Variants in FOSL1 observed in about 807,000 individuals in gnomAD.
The protein encoded by FOSL1 is FOS like 1, AP-1 transcription factor subunit.
In FOSL1, 14 loss-of-function variants were observed where a neutral mutation model predicts 24.9. The ratio of observed to expected loss-of-function variants is 0.56; its 90% CI spans 0.37 to 0.88. The LOEUF (loss-of-function observed/expected upper bound fraction) is 0.88. Among genes scored for constraint, FOSL1 ranks in the 40% least tolerant of loss-of-function variants. The pLI, the probability that FOSL1 is intolerant of heterozygous loss-of-function variation, is 0.00. For missense variants in FOSL1, 318 were observed against 359.8 expected, an observed-to-expected ratio of 0.88 and a Z score of 0.94; for synonymous variants, 133 against 145.1, an observed-to-expected ratio of 0.92 and a Z score of 0.60.
At chr11:65,899,467 A>G (rs1860616206) in intron 1 of FOSL1, among the ~76,000 whole-genome samples, 1 of 152,152 alleles carries the variant, frequency 6.6e-6, no homozygotes, top group Non-Finnish European at 1.5e-5. Context: ...ACGTGCTCGC[A>G]GCCCCTCGAC....
rs534964747 is a variant in FOSL1 at position 65,895,259 on chromosome 11, G to T, written c.298-1138C>A. 4.8e-3 allele frequency among the ~76,000 whole-genome samples: 723 copies of T among 151,764 alleles called. 10 individuals carry two copies. Among genetic ancestry groups the T allele is most frequent in the Non-Finnish European group, 6.6e-3 (450 of 67,964 alleles). The stretch of plus-strand genomic sequence containing the variant: ...CTGCCTCAGCCTCCCGAGTAGCTGC[G>T]ACTACAGGTGCCTTCCACCACGCCC... On this transcript the variant is annotated intron_variant, in intron 2 of 3. Transcript: ENST00000312562.
intron 2 of FOSL1, among the ~76,000 whole-genome samples, chr11:65,896,054 C>T (rs1429321825): frequency 6.6e-6 from 1 of 152,102 alleles, no homozygotes; most frequent in Non-Finnish European, 1.5e-5. Flanking sequence ...TCGGTAGAGA[C>T]AGGGTCTCTC....
At chr11:65,897,230 T>C (rs1860550808) in intron 1 of FOSL1, among the ~76,000 whole-genome samples, 1 of 152,200 alleles carries the variant, frequency 6.6e-6, no homozygotes, top group African/African-American at 2.4e-5. Flanking sequence ...CATTTCCCCA[T>C]TAGAACTAAC....
chr11:65,899,807 C>T (rs146443004), intron 1 of FOSL1, among the ~76,000 whole-genome samples: 2 of 152,288 alleles, frequency 1.3e-5, no homozygotes, highest in African/African-American at 4.8e-5. Flanking sequence ...GCTCTCCCGA[C>T]GGATCCCGCC....
At chr11:65,895,046 T>C (rs957276483) in intron 2 of FOSL1, among the ~76,000 whole-genome samples, 1 of 150,726 alleles carries the variant, frequency 6.6e-6, no homozygotes, top group African/African-American at 2.4e-5. Flanking sequence ...GGGATCCTCC[T>C]GCACTGGCCT....
At chr11:65,900,182 G>T in intron 1 of FOSL1, 59 bp downstream of exon 1, 2 of 861,946 alleles carry the variant, frequency 2.3e-6, no homozygotes, top group South Asian at 5.7e-5. Context: ...TGCGGGAGTT[G>T]ACCCCGGCCT....
Position 65,893,005 on chromosome 11 carries a change from G to A in FOSL1, c.697C>T (p.Leu233=). Residue 233 remains leucine, a synonymous_variant, in exon 4 of 4, where the codon CTG becomes TTG. Transcript: ENST00000312562. ...GGAGTGCTGGGGTAGGTGAAGACCAGGCTGGGGGTGAAAGGAGTTAGGGAG... is the reference window on the plus strand; with the variant it reads ...GGAGTGCTGGGGTAGGTGAAGACCAAGCTGGGGGTGAAAGGAGTTAGGGAG... ...TPSLTPFTPS[L]VFTYPSTPEP... 1 of 1,612,784 alleles carries A rather than the reference G, an allele frequency of 6.2e-7. No homozygotes were observed. Among genetic ancestry groups the A allele is most frequent in the African/African-American group, 1.3e-5 (1 of 74,992 alleles).
chr11:65,899,581 G>A (rs572848732), intron 1 of FOSL1, among the ~76,000 whole-genome samples: 1 of 152,344 alleles, frequency 6.6e-6, no homozygotes, highest in East Asian at 1.9e-4. Flanking sequence ...CTGACCCCGC[G>A]CACGTCCCGG....
chr11:65,898,481 G>A (rs772427563), intron 1 of FOSL1, among the ~76,000 whole-genome samples: 1 of 152,156 alleles, frequency 6.6e-6, no homozygotes, highest in Non-Finnish European at 1.5e-5. Flanking sequence ...CACCTGGCAT[G>A]GCAGGCTGTC....
At chr11:65,893,950 G>A in intron 3 of FOSL1, 64 bp downstream of exon 3, 1 of 1,100,506 alleles carries the variant, frequency 9.1e-7, no homozygotes, top group Non-Finnish European at 1.3e-6. Context: ...TACATATACT[G>A]GGGCTCTGGG....
chr11:65,894,082 C>G lies in FOSL1; in HGVS notation c.337G>C (p.Glu113Gln), dbSNP rs1194759587. 6.8e-6 allele frequency: 11 copies of G among 1,610,698 alleles called. No homozygotes were observed. Among genetic ancestry groups the G allele is most frequent in the Middle Eastern group, 1.6e-4 (1 of 6,078 alleles). Residue 113 changes from glutamate (E) to glutamine (Q), a missense_variant, in exon 3 of 4, where the codon GAG (glutamate) becomes CAG (glutamine). By Grantham distance (29) the Glu-to-Gln change is conservative (BLOSUM62 2). Transcript: ENST00000312562. Reference protein sequence around the residue: ...EEEERRRVRRERNKLAAAKCR... With the variant: ...EEEERRRVRRQRNKLAAAKCR... ...TTGGCCGCAGCCAGCTTGTTCCGCT[C>G]GCGCCTTACTCGGCGGCGCTCCTCT...
chr11:65,893,797 C>CA (rs761723028), intron 3 of FOSL1, among the ~76,000 whole-genome samples: 21 of 146,150 alleles, frequency 1.4e-4, no homozygotes, highest in South Asian at 4.3e-4. Flanking sequence ...GACTCTGTCT[C>CA]AAAAAAAAAA....
intron 2 of FOSL1, 107 bp downstream of exon 2, chr11:65,896,702 C>G (rs987402283): frequency 1.1e-5 from 10 of 940,504 alleles, no homozygotes; most frequent in Non-Finnish European, 1.6e-5. Flanking sequence ...CACCTGTAGC[C>G]TACCTTACCC....
At chr11:65,898,962 GAAAAA>G (rs745881086) in intron 1 of FOSL1, among the ~76,000 whole-genome samples, 20 of 31,070 alleles carry the variant, frequency 6.4e-4, no homozygotes, top group African/African-American at 9.9e-4. Flanking sequence ...CCCTGTCTCA[GAAAAA>G]AAAAAAAAAA....
chr11:65,894,670 T>C (rs1459696642), intron 2 of FOSL1, among the ~76,000 whole-genome samples: 1 of 151,922 alleles, frequency 6.6e-6, no homozygotes, highest in African/African-American at 2.4e-5. Flanking sequence ...TTTTATTTTA[T>C]TTTTTTTAGA....
intron 1 of FOSL1, among the ~76,000 whole-genome samples, chr11:65,899,898 C>A (rs976248309): frequency 2.0e-5 from 3 of 152,212 alleles, no homozygotes; most frequent in Admixed American, 6.5e-5. Flanking sequence ...ACCCTCCTAG[C>A]CTTCGAGGCG....
At position 65,894,114 on chromosome 11, in the gene FOSL1, G is replaced by C. The variant is rs781777272; in HGVS notation, c.305C>G (p.Pro102Arg). The change falls in exon 3 of 4, where the codon CCG (proline) becomes CGG (arginine). Residue 102 changes from proline (P) to arginine (R), a missense_variant. Transcript: ENST00000312562. ...TACTCGGCGGCGCTCCTCTTCCTCC[G>C]GGCTGATCTGGGGGTGAGACCCGCA... ...VRRRPCEQISPEEEERRRVRR... is the reference protein window; with the variant it reads ...VRRRPCEQISREEEERRRVRR... The C allele has an allele frequency of 5.6e-6, 9 of 1,602,374 alleles. No individual in the cohort carries two copies. In the African/African-American group the frequency reaches 6.7e-5, roughly 12 times the overall value.
chr11:65,900,412 C>CT (rs1211096413), upstream of FOSL1: 2 of 877,492 alleles, frequency 2.3e-6, no homozygotes, highest in Non-Finnish European at 3.0e-6. Context: ...GGAGTCTTTT[C>CT]TTTTTATGAA....
chr11:65,899,976 G>A (rs1221146104), intron 1 of FOSL1, among the ~76,000 whole-genome samples: 3 of 152,236 alleles, frequency 2.0e-5, no homozygotes, highest in East Asian at 3.9e-4. Context: ...GGCAGGAGGA[G>A]AGAAAGCGGG....
Sources: allele counts gnomAD v4.1 joint callset (sites outside exome capture counted in the v4.1 genomes callset), GRCh38; gene constraint gnomAD v4.1.1; transcripts MANE v1.5; gene names NCBI Gene and HGNC (gene_info 2026-07-23, HGNC 2026-07-21).